The following YME1L1 variants were observed in gnomAD, a reference collection of about 807,000 sequenced individuals.
YME1L1 encodes ATP-dependent zinc metalloprotease YME1L1.
A neutral mutation model predicts 90.4 loss-of-function variants in YME1L1; 39 were observed. That is an observed-to-expected ratio of 0.43 (90% confidence interval 0.33 to 0.56). YME1L1 has a LOEUF of 0.56. YME1L1 is among the 20% of genes least tolerant of loss of function. The pLI is 0.03. For missense variants in YME1L1, 617 were observed against 868.4 expected (o/e 0.71, Z 3.64); for synonymous variants, 284 against 287.3 (o/e 0.99, Z 0.12).
chr10:27,134,762 C>A, intron 6 of YME1L1, 69 bp downstream of exon 6: 2 of 1,529,238 alleles, frequency 1.3e-6, no homozygotes, highest in Non-Finnish European at 1.8e-6. Flanking sequence ...TTACTTAAAA[C>A]TTAAATGTAG....
intron 8 of YME1L1, among the ~76,000 whole-genome samples, chr10:27,128,741 CA>C (rs201189769): frequency 1.3e-5 from 2 of 150,528 alleles, no homozygotes; most frequent in Admixed American, 6.6e-5. Flanking sequence ...CCCGACTCTA[CA>C]AAAAAAAACT....
intron 3 of YME1L1, among the ~76,000 whole-genome samples, chr10:27,144,515 A>G (rs915544112): frequency 1.3e-5 from 2 of 152,216 alleles, no homozygotes; most frequent in African/African-American, 4.8e-5. Flanking sequence ...AGAAAAACTC[A>G]TAAAGTTGAC....
At chr10:27,146,039 G>T (rs11015570) in intron 2 of YME1L1, 76,738 of 153,230 alleles carry the variant, frequency 0.5, 21,937 homozygotes, top group Non-Finnish European at 0.65. Context: ...ACTAACTGCA[G>T]GGTTACAAAG....
intron 1 of YME1L1, among the ~76,000 whole-genome samples, chr10:27,150,913 CTCTCGCCTTTTT>C (rs1455881054): frequency 2.5e-4 from 37 of 146,400 alleles, no homozygotes; most frequent in African/African-American, 9.2e-4. Flanking sequence ...TTTATAGACT[CTCTCGCCTTTTT>C]TTTTTTTTTT....
intron 18 of YME1L1, among the ~76,000 whole-genome samples, chr10:27,113,846 C>A: frequency 6.6e-6 from 1 of 150,408 alleles, no homozygotes; most frequent in Admixed American, 6.7e-5. Context: ...TGACAAAACC[C>A]ACAAAAAACC....
chr10:27,111,848 G>A lies in YME1L1; in HGVS notation c.*129C>T. ...AACTGGATAAATGTGACAAATGATT[G>A]ACAAAGCATTTCACACCCTTCAATT... On this transcript the variant is annotated 3_prime_UTR_variant, in exon 19 of 19. Coordinates refer to ENST00000376016, the MANE Select transcript of YME1L1 (RefSeq NM_014263.4). 8.1e-7 allele frequency: 1 copy of A among 1,229,266 alleles called. No homozygotes were observed. The highest frequency in any genetic ancestry group is 1.2e-6 in the Non-Finnish European group (1 of 841,740). 76.1% of individuals were successfully genotyped at this position (1,229,266 alleles called of 1,614,324 possible).
chr10:27,132,101 G>T (rs1045461540), intron 7 of YME1L1, among the ~76,000 whole-genome samples, 160 bp from the exon 8 acceptor site: 3 of 143,154 alleles, frequency 2.1e-5, no homozygotes, highest in African/African-American at 8.0e-5. Flanking sequence ...AGGTCTTCTG[G>T]ATTTCTTTTT....
At position 27,110,325 on chromosome 10, in the gene YME1L1, G is replaced by A. The variant is rs2056747168; in HGVS notation, c.*1652C>T. On this transcript the variant is annotated 3_prime_UTR_variant, in exon 19 of 19. Coordinates refer to ENST00000376016, the MANE Select transcript of YME1L1 (RefSeq NM_014263.4). ...TATGAGACATCCATGTATTATGCTG[G>A]CAACATTTCTGCCAGTTTGAAATTA... is the stretch of plus-strand genomic sequence containing the variant. 6.6e-6 allele frequency: 1 copy of A among 152,126 alleles called. No individual in the cohort carries two copies. 9.4% of individuals were successfully genotyped at this position (152,126 alleles called of 1,614,324 possible). A position where few individuals can be genotyped will look rare whatever the true frequency, so the allele number is the denominator to read the frequency against.
intron 14 of YME1L1, 104 bp from the exon 15 acceptor site, chr10:27,117,831 G>T: frequency 1.7e-6 from 2 of 1,144,272 alleles, no homozygotes; most frequent in Non-Finnish European, 2.5e-6. Flanking sequence ...CTTCCTATCA[G>T]CAGATTCTGC....
intron 11 of YME1L1, among the ~76,000 whole-genome samples, chr10:27,121,664 A>C (rs777391071): frequency 1.1e-4 from 16 of 152,074 alleles, no homozygotes; most frequent in Non-Finnish European, 2.4e-4. Flanking sequence ...AGCTGGAATG[A>C]CAGGTGCATG....
intron 4 of YME1L1, among the ~76,000 whole-genome samples, chr10:27,141,129 C>T (rs534614032): frequency 2.6e-5 from 4 of 152,276 alleles, no homozygotes; most frequent in Admixed American, 2.0e-4. Context: ...GGCACCGTGG[C>T]TCATGCTGTC....
At chr10:27,135,367 A>G (rs1258401338) in intron 5 of YME1L1, among the ~76,000 whole-genome samples, 3 of 152,226 alleles carry the variant, frequency 2.0e-5, no homozygotes, top group African/African-American at 7.2e-5. Context: ...AGTTCTGAAG[A>G]TGTAAAGATA....
chr10:27,131,410 T>C, intron 8 of YME1L1, among the ~76,000 whole-genome samples: 1 of 152,192 alleles, frequency 6.6e-6, no homozygotes, highest in Non-Finnish European at 1.5e-5. Flanking sequence ...CATTTATCCA[T>C]TCTATTCATT....
intron 10 of YME1L1, among the ~76,000 whole-genome samples, chr10:27,123,318 C>G (rs2056885185): frequency 6.6e-6 from 1 of 152,168 alleles, no homozygotes; most frequent in South Asian, 2.1e-4. Flanking sequence ...CCAACTTCAT[C>G]TTGCACTTCC....
chr10:27,130,845 C>T (rs1235491966), intron 8 of YME1L1, among the ~76,000 whole-genome samples: 2 of 152,216 alleles, frequency 1.3e-5, no homozygotes, highest in African/African-American at 4.8e-5. Context: ...AATAGCGAAA[C>T]TCCGTCTCAA....
In YME1L1 at chr10:27,111,443, C is replaced by T. The variant is rs2056757939; in HGVS notation, c.*534G>A. 1 of 166,726 alleles carries T rather than the reference C, an allele frequency of 6.0e-6. No individual in the cohort carries two copies. The highest frequency in any genetic ancestry group is 6.1e-5 in the Admixed American group (1 of 16,302). 10.3% of individuals were successfully genotyped at this position (166,726 alleles called of 1,614,324 possible). On this transcript the variant is annotated 3_prime_UTR_variant, in exon 19 of 19. Coordinates refer to ENST00000376016, the MANE Select transcript of YME1L1 (RefSeq NM_014263.4). ...TCCTGGCCTCAAGCAATCCACCCGC[C>T]TCAGCCTCCAAAAGTGCTGGGATTA... is the stretch of plus-strand genomic sequence containing the variant.
At chr10:27,140,791 T>C (rs1250990895) in intron 4 of YME1L1, among the ~76,000 whole-genome samples, 1 of 152,204 alleles carries the variant, frequency 6.6e-6, no homozygotes, top group African/African-American at 2.4e-5. Flanking sequence ...TTAGGTATTT[T>C]TTTAAGCTGT....
intron 3 of YME1L1, among the ~76,000 whole-genome samples, chr10:27,144,576 T>A (rs1287168095): frequency 6.6e-6 from 1 of 152,158 alleles, no homozygotes; most frequent in African/African-American, 2.4e-5. Flanking sequence ...CATACTGTTA[T>A]GAGATTCAAG....
chr10:27,139,200 CATAT>C (rs1164513235), intron 4 of YME1L1, among the ~76,000 whole-genome samples: 1 of 151,642 alleles, frequency 6.6e-6, no homozygotes, highest in Non-Finnish European at 1.5e-5. Flanking sequence ...TACATATATA[CATAT>C]ATATATTTTT....
Sources: allele counts gnomAD v4.1 joint callset (sites outside exome capture counted in the v4.1 genomes callset), GRCh38; gene constraint gnomAD v4.1.1; transcripts MANE v1.5; gene names NCBI Gene and HGNC (gene_info 2026-07-23, HGNC 2026-07-21).